The following GRID1 variants were observed in gnomAD, a reference collection of about 807,000 sequenced individuals.
The protein encoded by GRID1 is glutamate receptor ionotropic, delta-1.
GRID1 carries 28 observed loss-of-function variants against 98.0 expected under a neutral mutation model. The ratio of observed to expected loss-of-function variants is 0.29; its 90% CI spans 0.21 to 0.39. The LOEUF (loss-of-function observed/expected upper bound fraction) is 0.39, where lower values mean the gene tolerates loss of function less well. Among genes scored for constraint, GRID1 ranks in the 10% least tolerant of loss-of-function variants. The pLI is 1.00. For synonymous variants in GRID1, 553 were observed against 538.5 expected (o/e 1.03, Z -0.37); for missense variants, 1,111 against 1,340.5 (o/e 0.83, Z 2.67).
chr10:86,216,702 G>A (rs964159777), intron 2 of GRID1, among the ~76,000 whole-genome samples: 1 of 152,194 alleles, frequency 6.6e-6, no homozygotes, highest in Non-Finnish European at 1.5e-5. Context: ...GAGACAAGCA[G>A]CCAGATGTGA....
intron 4 of GRID1, among the ~76,000 whole-genome samples, chr10:85,930,256 G>C (rs35787022): frequency 1.1e-5 from 1 of 90,500 alleles, no homozygotes; most frequent in African/African-American, 6.2e-5. Context: ...AATAACTTGC[G>C]GTTATTTATA....
chr10:85,674,808 C>T (rs1329551759), intron 12 of GRID1, among the ~76,000 whole-genome samples: 1 of 151,780 alleles, frequency 6.6e-6, no homozygotes, highest in Non-Finnish European at 1.5e-5. Context: ...TAATGAGAAG[C>T]TCAATCATTA....
At chr10:85,613,155 A>C in intron 15 of GRID1, 1 of 532,668 alleles carries the variant, frequency 1.9e-6, no homozygotes, top group South Asian at 2.5e-5. Flanking sequence ...CTCTATAGAT[A>C]AATACAGGAC....
At chr10:86,314,958 C>A (rs1038213510) in intron 2 of GRID1, among the ~76,000 whole-genome samples, 1 of 152,098 alleles carries the variant, frequency 6.6e-6, no homozygotes, top group Non-Finnish European at 1.5e-5. Flanking sequence ...CCTGCTTGGG[C>A]CTGCAGTCAG....
chr10:85,673,580 C>A (rs1017438784), intron 12 of GRID1, among the ~76,000 whole-genome samples: 4 of 152,190 alleles, frequency 2.6e-5, no homozygotes, highest in African/African-American at 9.7e-5. Flanking sequence ...AACCCTCCAC[C>A]AGCAAAAAGA....
At chr10:85,703,499 T>C (rs1030831965) in intron 12 of GRID1, among the ~76,000 whole-genome samples, 1 of 151,982 alleles carries the variant, frequency 6.6e-6, no homozygotes, top group Admixed American at 6.6e-5. Context: ...GGGTCGAAGA[T>C]TCTGTAAACA....
intron 2 of GRID1, among the ~76,000 whole-genome samples, chr10:86,331,071 G>A (rs974407444): frequency 2.6e-5 from 4 of 152,248 alleles, no homozygotes; most frequent in African/African-American, 9.6e-5. Flanking sequence ...ATCCAGGGAG[G>A]CTGTGGCAGG....
chr10:86,111,126 T>C (rs1844475254), intron 4 of GRID1, among the ~76,000 whole-genome samples: 1 of 152,230 alleles, frequency 6.6e-6, no homozygotes, highest in African/African-American at 2.4e-5. Context: ...TCATCTGCCT[T>C]GGACCAGTAG....
At chr10:85,880,178 A>C (rs532196675) in intron 5 of GRID1, among the ~76,000 whole-genome samples, 1 of 152,348 alleles carries the variant, frequency 6.6e-6, no homozygotes, top group South Asian at 2.1e-4. Flanking sequence ...TTCACAGCCG[A>C]ATTCCACCAC....
At chr10:86,030,104 G>A (rs754466921) in intron 4 of GRID1, among the ~76,000 whole-genome samples, 1 of 152,192 alleles carries the variant, frequency 6.6e-6, no homozygotes, top group Admixed American at 6.5e-5. Context: ...AAGGAAGCAT[G>A]AAAGTTTTAC....
chr10:85,636,443 G>T (rs73338997), intron 13 of GRID1, among the ~76,000 whole-genome samples: 2,747 of 152,230 alleles, frequency 0.018, 61 homozygotes, highest in African/African-American at 0.055. Context: ...CATCACTTCT[G>T]ATTATTGAAC....
intron 5 of GRID1, among the ~76,000 whole-genome samples, chr10:85,896,784 C>A (rs187775132): frequency 6.6e-6 from 1 of 152,108 alleles, no homozygotes; most frequent in African/African-American, 2.4e-5. Context: ...ATGATAAAAG[C>A]AGTTCAGACT....
At chr10:86,283,772 A>C (rs1010366617) in intron 2 of GRID1, among the ~76,000 whole-genome samples, 2 of 146,296 alleles carry the variant, frequency 1.4e-5, no homozygotes, top group African/African-American at 5.2e-5. Context: ...TTGCACACAC[A>C]CCTGCATACA....
chr10:86,010,839 T>C (rs1355284736), intron 4 of GRID1, among the ~76,000 whole-genome samples: 1 of 145,486 alleles, frequency 6.9e-6, no homozygotes, highest in Non-Finnish European at 1.5e-5. Context: ...AAGTAATGAG[T>C]TGAAGGTGTG....
chr10:85,743,115 C>CCCA (rs1405344655), intron 8 of GRID1, among the ~76,000 whole-genome samples: 1 of 133,796 alleles, frequency 7.5e-6, no homozygotes, highest in East Asian at 2.6e-4. Context: ...GCCCCCCCCC[C>CCCA]CACCACCCAT....
intron 8 of GRID1, among the ~76,000 whole-genome samples, chr10:85,757,305 C>G (rs1364451000): frequency 6.6e-6 from 1 of 152,230 alleles, no homozygotes; most frequent in Non-Finnish European, 1.5e-5. Context: ...TGGCCCAACC[C>G]AAGCCGAATG....
At chr10:85,714,038 A>G (rs966313936) in intron 12 of GRID1, among the ~76,000 whole-genome samples, 2 of 152,010 alleles carry the variant, frequency 1.3e-5, no homozygotes, top group Non-Finnish European at 2.9e-5. Context: ...GATAAAGAAA[A>G]TGTGATACAT....
chr10:86,219,602 C>G (rs1325747394), intron 2 of GRID1, among the ~76,000 whole-genome samples: 1 of 152,202 alleles, frequency 6.6e-6, no homozygotes, highest in African/African-American at 2.4e-5. Context: ...ACGTGTGGCC[C>G]CCCGTCCCAG....
At chr10:85,636,701 T>C (rs1366415641) in intron 13 of GRID1, among the ~76,000 whole-genome samples, 11 of 152,208 alleles carry the variant, frequency 7.2e-5, no homozygotes, top group Non-Finnish European at 1.2e-4. Context: ...ACTAATTTAT[T>C]TTTTAAATCT....
Sources: gnomAD v4.1 joint callset for allele counts (sites outside exome capture counted in the v4.1 genomes callset) on GRCh38, gnomAD v4.1.1 for gene constraint, MANE v1.5 for transcripts, NCBI Gene and HGNC (gene_info 2026-07-23, HGNC 2026-07-21) for gene names.